MAPK4: variants seen among roughly 807,000 people sequenced by gnomAD.
MAPK4 encodes the protein Erk3-related.
In MAPK4, 22 loss-of-function variants were observed where a neutral mutation model predicts 47.7. That is an observed-to-expected ratio of 0.46 (90% CI 0.33 to 0.66). The LOEUF is 0.66. Among genes scored for constraint, MAPK4 ranks in the 30% least tolerant of loss-of-function variants. The pLI is 0.02. For synonymous variants in MAPK4, 390 were observed against 365.7 expected, an observed-to-expected ratio of 1.07 and a Z score of -0.76; for missense variants, 736 against 831.7, an observed-to-expected ratio of 0.88 and a Z score of 1.42.
intron 1 of MAPK4, among the ~76,000 whole-genome samples, chr18:50,630,372 A>C (rs1184386114): frequency 6.6e-6 from 1 of 152,140 alleles, no homozygotes; most frequent in Non-Finnish European, 1.5e-5. Flanking sequence ...TATTTTTAAC[A>C]GAGACAGGGT....
At chr18:50,725,565 A>T (rs918637314) in intron 4 of MAPK4, among the ~76,000 whole-genome samples, 4 of 152,200 alleles carry the variant, frequency 2.6e-5, no homozygotes, top group Non-Finnish European at 2.9e-5. Flanking sequence ...AGGATCCCAG[A>T]TGCCCACAGG....
In MAPK4 at chr18:50,727,515, G is replaced by A. The variant is rs114244459; in HGVS notation, c.1067+1340G>A. 5.1e-3 allele frequency among the ~76,000 whole-genome samples: 784 copies of A among 152,310 alleles called. 8 individuals carry two copies. Among genetic ancestry groups the A allele is most frequent in the African/African-American group, 0.018 (757 of 41,562 alleles). ...ACAAATAGAGATTAATGAAGACTCTGTCTTCTGCCACCCCTGGGGCAGCCC... is the reference window on the plus strand; with the variant it reads ...ACAAATAGAGATTAATGAAGACTCTATCTTCTGCCACCCCTGGGGCAGCCC... On this transcript the variant is annotated intron_variant, in intron 5 of 5. Coordinates refer to ENST00000400384, the MANE Select transcript of MAPK4 (RefSeq NM_002747.4).
At chr18:50,670,670 T>C (rs1352772441) in intron 2 of MAPK4, among the ~76,000 whole-genome samples, 1 of 150,694 alleles carries the variant, frequency 6.6e-6, no homozygotes, top group Non-Finnish European at 1.5e-5. Flanking sequence ...GGTAGGAGAA[T>C]CGCTTGAACT....
intron 1 of MAPK4, among the ~76,000 whole-genome samples, chr18:50,649,819 C>T (rs148011532): frequency 1.3e-5 from 2 of 152,182 alleles, no homozygotes; most frequent in Non-Finnish European, 2.9e-5. Flanking sequence ...ACATAAGGAC[C>T]CCGGGTCATA....
In MAPK4 at chr18:50,731,324, C is replaced by T. The variant is rs902429037; in HGVS notation, c.*1470C>T. On this transcript the variant is annotated 3_prime_UTR_variant, in exon 6 of 6. Transcript: ENST00000400384. ...CCCCTATCTGGTCCCCAGGAACATT[C>T]TACCATTTCTGCCACTGGTGTTCAG... 1 of 152,288 alleles carries T rather than the reference C, an allele frequency of 6.6e-6. No homozygotes were observed. The highest frequency in any genetic ancestry group is 2.4e-5 in the African/African-American group (1 of 41,442). The allele number at this position is 152,288 out of a possible 1,614,324, so 9.4% of individuals were successfully genotyped here.
chr18:50,693,318 T>A (rs1909334188), intron 2 of MAPK4, among the ~76,000 whole-genome samples: 1 of 152,150 alleles, frequency 6.6e-6, no homozygotes. Context: ...TGTGCCTGTG[T>A]GCCCTCACTT....
chr18:50,597,786 C>T (rs1343918179), intron 1 of MAPK4, among the ~76,000 whole-genome samples: 1 of 152,200 alleles, frequency 6.6e-6, no homozygotes, highest in Non-Finnish European at 1.5e-5. Flanking sequence ...TGTATAGACA[C>T]TTCTTTGGGC....
intron 1 of MAPK4, among the ~76,000 whole-genome samples, chr18:50,622,009 G>T (rs2149382482): frequency 6.6e-6 from 1 of 152,318 alleles, no homozygotes; most frequent in East Asian, 1.9e-4. Context: ...GGTAGACAGG[G>T]CACATCTTAA....
intron 2 of MAPK4, among the ~76,000 whole-genome samples, chr18:50,698,703 G>T (rs888196455): frequency 9.2e-5 from 14 of 152,158 alleles, no homozygotes; most frequent in African/African-American, 3.4e-4. Flanking sequence ...GACTATATTT[G>T]CAAAAGCCCT....
At chr18:50,591,815 T>C (rs2042438573) in intron 1 of MAPK4, among the ~76,000 whole-genome samples, 1 of 152,072 alleles carries the variant, frequency 6.6e-6, no homozygotes. Flanking sequence ...CTATCTGGTC[T>C]GCCAAAGGGT....
chr18:50,645,939 A>T (rs188659132), intron 1 of MAPK4, among the ~76,000 whole-genome samples: 78 of 152,292 alleles, frequency 5.1e-4, no homozygotes, highest in Non-Finnish European at 8.4e-4. Flanking sequence ...TCCTGTTATT[A>T]CTGTCTAGTT....
chr18:50,683,548 C>T (rs1041440671), intron 2 of MAPK4, among the ~76,000 whole-genome samples: 2 of 151,540 alleles, frequency 1.3e-5, no homozygotes, highest in Non-Finnish European at 2.9e-5. Flanking sequence ...AGTTATACCT[C>T]AATGAAGCTG....
At chr18:50,567,051 A>C (rs540928132) in intron 1 of MAPK4, among the ~76,000 whole-genome samples, 1 of 151,998 alleles carries the variant, frequency 6.6e-6, no homozygotes, top group East Asian at 1.9e-4. Flanking sequence ...TTCTTTGTGA[A>C]CATAATTTTT....
At chr18:50,697,738 A>G (rs1909587706) in intron 2 of MAPK4, among the ~76,000 whole-genome samples, 2 of 152,176 alleles carry the variant, frequency 1.3e-5, no homozygotes, top group African/African-American at 4.8e-5. Context: ...GCCACCCCTG[A>G]GCCTGGGCCT....
chr18:50,645,600 A>G (rs1242404624), intron 1 of MAPK4, among the ~76,000 whole-genome samples: 1 of 152,196 alleles, frequency 6.6e-6, no homozygotes, highest in African/African-American at 2.4e-5. Context: ...TCTGACCTCA[A>G]AAGGAAACAG....
At chr18:50,599,628 A>C (rs887197833) in intron 1 of MAPK4, among the ~76,000 whole-genome samples, 3 of 152,142 alleles carry the variant, frequency 2.0e-5, no homozygotes, top group African/African-American at 7.2e-5. Flanking sequence ...CATGTTGCCC[A>C]GGCTGGTCTT....
intron 1 of MAPK4, among the ~76,000 whole-genome samples, chr18:50,655,751 G>C (rs1449124915): frequency 1.3e-5 from 2 of 152,160 alleles, no homozygotes; most frequent in African/African-American, 4.8e-5. Flanking sequence ...TTGGGGGCCT[G>C]TGTGGCCTCC....
intron 3 of MAPK4, among the ~76,000 whole-genome samples, chr18:50,716,625 C>T (rs1326930929): frequency 6.6e-6 from 1 of 152,226 alleles, no homozygotes; most frequent in Non-Finnish European, 1.5e-5. Context: ...GCCTCCTTGC[C>T]ACCTGTCCTC....
chr18:50,622,422 G>A (rs1407453636), intron 1 of MAPK4, among the ~76,000 whole-genome samples: 1 of 152,186 alleles, frequency 6.6e-6, no homozygotes, highest in Non-Finnish European at 1.5e-5. Context: ...CCTAGTTGGA[G>A]GCCCTTTGTA....
Sources: allele counts gnomAD v4.1 joint callset (sites outside exome capture counted in the v4.1 genomes callset), GRCh38; gene constraint gnomAD v4.1.1; transcripts MANE v1.5; gene names NCBI Gene and HGNC (gene_info 2026-07-23, HGNC 2026-07-21).